SYBU: variants seen among roughly 807,000 people sequenced by gnomAD.
SYBU encodes syntabulin.
SYBU carries 21 observed loss-of-function variants against 35.9 expected under a neutral mutation model. That is an observed-to-expected ratio of 0.58 (90% CI 0.41 to 0.84). The LOEUF (loss-of-function observed/expected upper bound fraction) is 0.84, where lower values mean the gene tolerates loss of function less well. Ranked by LOEUF, SYBU falls within the 40% of genes least tolerant of loss-of-function variation. The pLI, the probability that SYBU is intolerant of heterozygous loss-of-function variation, is 0.00. For synonymous variants in SYBU, 319 were observed against 324.3 expected (o/e 0.98, Z 0.18); for missense variants, 768 against 848.2 (o/e 0.91, Z 1.17).
intron 2 of SYBU, among the ~76,000 whole-genome samples, chr8:109,628,509 T>C (rs1235232756): frequency 6.6e-6 from 1 of 152,218 alleles, no homozygotes. Flanking sequence ...ATTTTTTCTT[T>C]TTCTTTTTCT....
In SYBU at chr8:109,642,832, G is replaced by T. The variant is rs755564264; in HGVS notation, c.125C>A (p.Ser42Tyr). The T allele has an allele frequency of 6.8e-6, 11 of 1,613,050 alleles. No individual in the cohort carries two copies. In the Admixed American group the frequency reaches 1.0e-4, roughly 15 times the overall value. Reference protein sequence around the residue: ...PHMPQQQHKVSPASESPFSEE... With the variant: ...PHMPQQQHKVYPASESPFSEE... ...AGAGAAAGGAGACTCAGAGGCTGGG[G>T]ACACTTTGTGCTGTTGTTGGGGCAT... Residue 42 changes from serine (S) to tyrosine (Y), a missense_variant, in exon 2 of 7, where the codon TCC becomes TAC. Coordinates refer to ENST00000276646, the MANE Select transcript of SYBU (RefSeq NM_001099754.2).
chr8:109,617,701 C>T (rs1012673037), intron 3 of SYBU, among the ~76,000 whole-genome samples: 1 of 152,118 alleles, frequency 6.6e-6, no homozygotes, highest in African/African-American at 2.4e-5. Flanking sequence ...CATTCCTTTT[C>T]TTTTACATAT....
At chr8:109,649,282 A>T (rs762020624), upstream of SYBU, among the ~76,000 whole-genome samples, 14 of 151,992 alleles carry the variant, frequency 9.2e-5, no homozygotes, top group Non-Finnish European at 2.1e-4. Flanking sequence ...GGTTACAGGC[A>T]TTAGCCACCG....
At chr8:109,610,942 C>T (rs911907130) in intron 3 of SYBU, among the ~76,000 whole-genome samples, 1 of 152,168 alleles carries the variant, frequency 6.6e-6, no homozygotes, top group African/African-American at 2.4e-5. Flanking sequence ...TATCGAATCC[C>T]CTTAATCATG....
At position 109,688,388 on chromosome 8, in the gene SYBU, A is replaced by G. The variant is rs558151860; in HGVS notation, c.-58+2945T>C. Among the ~76,000 whole-genome samples, 3 of 152,266 alleles carry G rather than the reference A, an allele frequency of 2.0e-5. No individual in the cohort carries two copies. In the South Asian group the frequency reaches 6.2e-4, roughly 32 times the overall value. ...TTTTGTCAGAAGTGTGTACACAGGAACCTTTCTTTCCTTTGCCAGTACCTG... is the reference window on the plus strand; with the variant it reads ...TTTTGTCAGAAGTGTGTACACAGGAGCCTTTCTTTCCTTTGCCAGTACCTG... On this transcript the variant is annotated intron_variant, in intron 1 of 7. Coordinates refer to the SYBU transcript ENST00000422135.
chr8:109,609,175 T>C (rs1403923044), intron 3 of SYBU, among the ~76,000 whole-genome samples: 1 of 152,182 alleles, frequency 6.6e-6, no homozygotes, highest in Non-Finnish European at 1.5e-5. Context: ...CCCCTTACAT[T>C]AGAGTCCTTC....
At chr8:109,627,990 A>T (rs537226512) in intron 2 of SYBU, among the ~76,000 whole-genome samples, 7 of 152,372 alleles carry the variant, frequency 4.6e-5, no homozygotes, top group Non-Finnish European at 8.8e-5. Context: ...CTTCAGTATT[A>T]TACAATATGT....
At position 109,691,588 on chromosome 8, in the gene SYBU, T is replaced by C; in HGVS notation, c.-313A>G. The stretch of plus-strand genomic sequence containing the variant: ...CCTCTGCAGCCAGCCGGGCGGCTGC[T>C]GGGGCTGAGGACAAAATGGAGAGAA... On this transcript the variant is annotated 5_prime_UTR_variant, in exon 1 of 8. Transcript: ENST00000422135. This position sits in a 1 kb window ranked among gnomAD's most constrained non-coding sequence, Gnocchi z 4.7. 1 of 433,930 alleles carries C rather than the reference T, an allele frequency of 2.3e-6. No homozygotes were observed. Among genetic ancestry groups the C allele is most frequent in the Non-Finnish European group, 4.0e-6 (1 of 248,060 alleles). 26.9% of individuals were successfully genotyped at this position (433,930 alleles called of 1,614,324 possible). A position where few individuals can be genotyped will look rare whatever the true frequency, so the allele number is the denominator to read the frequency against.
chr8:109,625,135 T>A lies in SYBU; in HGVS notation c.230-6096A>T, dbSNP rs184789836. Among the ~76,000 whole-genome samples, 856 of 150,212 alleles carry A rather than the reference T, an allele frequency of 5.7e-3. 4 individuals are homozygous for A. The highest frequency in any genetic ancestry group is 0.018 in the African/African-American group (738 of 41,190). Reference sequence around the variant, plus strand: ...GATTACGTAAGAAAATGTGCTTTTTTTAAAAAAAAAAGTTATGCATGCTGA... The same window carrying A: ...GATTACGTAAGAAAATGTGCTTTTTATAAAAAAAAAAGTTATGCATGCTGA... On this transcript the variant is annotated intron_variant, in intron 2 of 6. Transcript: ENST00000276646.
At chr8:109,652,271 A>G (rs909101878) in intron 1 of SYBU, among the ~76,000 whole-genome samples, 2 of 152,198 alleles carry the variant, frequency 1.3e-5, no homozygotes, top group African/African-American at 4.8e-5. Flanking sequence ...CATTGAATAC[A>G]TCCTATTATA....
Position 109,644,709 on chromosome 8 carries a change from G to C in SYBU, c.-50C>G. The C allele has an allele frequency of 1.4e-6, 2 of 1,474,078 alleles. No individual in the cohort carries two copies. Among genetic ancestry groups the C allele is most frequent in the South Asian group, 1.3e-5 (1 of 74,702 alleles). The allele number at this position is 1,474,078 out of a possible 1,614,324, so 91.3% of individuals were successfully genotyped here. On this transcript the variant is annotated 5_prime_UTR_variant, in exon 1 of 7. Transcript: ENST00000276646. ...GCGCCGCCGCTGCCGCCGTCCAGGA[G>C]GAGGCACCTGCGAGCACGGAGCGAG...
intron 1 of SYBU, among the ~76,000 whole-genome samples, chr8:109,665,536 G>T (rs886364874): frequency 3.9e-5 from 6 of 152,114 alleles, no homozygotes; most frequent in Non-Finnish European, 8.8e-5. Context: ...TTTTTGGTTG[G>T]ATTAAAAATA....
intron 1 of SYBU, among the ~76,000 whole-genome samples, chr8:109,688,882 A>G (rs1817580553): frequency 1.3e-5 from 2 of 152,132 alleles, no homozygotes; most frequent in Admixed American, 1.3e-4. Context: ...ATAAACAGAA[A>G]TTGACTAAAA....
chr8:109,634,012 G>A (rs532990252), intron 2 of SYBU, among the ~76,000 whole-genome samples: 1 of 152,240 alleles, frequency 6.6e-6, no homozygotes, highest in East Asian at 1.9e-4. Context: ...GGGATTACAG[G>A]TGTGAGCCAC....
chr8:109,616,168 C>T (rs1398129311), intron 3 of SYBU, among the ~76,000 whole-genome samples: 6 of 151,640 alleles, frequency 4.0e-5, no homozygotes, highest in Non-Finnish European at 5.9e-5. Context: ...CACACCACCA[C>T]GCCTGGCTAA....
At chr8:109,625,221 A>G (rs1365165941) in intron 2 of SYBU, among the ~76,000 whole-genome samples, 5 of 152,216 alleles carry the variant, frequency 3.3e-5, no homozygotes, top group Non-Finnish European at 7.3e-5. Context: ...ATGTTTCCAC[A>G]AAGAAAAGAG....
chr8:109,667,131 T>C (rs531470102), intron 1 of SYBU, among the ~76,000 whole-genome samples: 42 of 152,310 alleles, frequency 2.8e-4, no homozygotes, highest in Middle Eastern at 3.4e-3. Context: ...TATTTCCTTT[T>C]TTTGAGACAG....
chr8:109,616,002 CTTTCTTTTTTT>C (rs1811728522), intron 3 of SYBU, among the ~76,000 whole-genome samples: 3 of 99,278 alleles, frequency 3.0e-5, no homozygotes, highest in South Asian at 4.0e-4. Flanking sequence ...CTTTTCTTTT[CTTTCTTTTTTT>C]TTTTTTTTTT....
rs760606239 is a variant in SYBU at position 109,642,767 on chromosome 8, G to T, written c.190C>A (p.Arg64Ser). The change falls in exon 2 of 7, where the codon CGC becomes AGC. Residue 64 changes from arginine to serine, a missense_variant. Transcript: ENST00000276646. The part of the protein sequence containing the change: ...SREFNPSSSG[R>S]SARTVSSNSF... ...TTGCTGCTAACGGTCCTCGCTGAGCGCCCAGAGCTGCTGGGGTTGAACTCT... is the reference window on the plus strand; with the variant it reads ...TTGCTGCTAACGGTCCTCGCTGAGCTCCCAGAGCTGCTGGGGTTGAACTCT... The T allele has an allele frequency of 1.2e-5, 19 of 1,612,056 alleles. No homozygotes were observed. Among genetic ancestry groups the T allele is most frequent in the South Asian group, 1.1e-4 (10 of 90,756 alleles).
Sources: allele counts gnomAD v4.1 joint callset (sites outside exome capture counted in the v4.1 genomes callset), GRCh38; gene constraint gnomAD v4.1.1; non-coding constraint Gnocchi (gnomAD v3.1); transcripts MANE v1.5; gene names NCBI Gene and HGNC (gene_info 2026-07-23, HGNC 2026-07-21).